The following DARS2 variants were observed in gnomAD, a reference collection of about 807,000 sequenced individuals.
DARS2 encodes aspartyl-tRNA synthetase 2, mitochondrial.
A neutral mutation model predicts 83.0 loss-of-function variants in DARS2; 63 were observed. That is an observed-to-expected ratio of 0.76 (90% CI 0.62 to 0.94). The LOEUF is 0.94. DARS2 is among the 40% of genes least tolerant of loss of function. The pLI is 0.00. For missense variants in DARS2, 675 were observed against 774.4 expected (o/e 0.87, Z 1.52); for synonymous variants, 250 against 269.3 (o/e 0.93, Z 0.70).
chr1:173,854,744 G>A (rs1241026977), intron 15 of DARS2, among the ~76,000 whole-genome samples: 1 of 152,166 alleles, frequency 6.6e-6, no homozygotes. Context: ...TGTTGATAAT[G>A]TTAGAGAAAG....
chr1:173,833,907 G>T (rs939649897), intron 6 of DARS2, among the ~76,000 whole-genome samples: 1 of 151,846 alleles, frequency 6.6e-6, no homozygotes, highest in Non-Finnish European at 1.5e-5. Context: ...CCACAGACAT[G>T]CACCACCACA....
chr1:173,847,985 T>C (rs1653502857), intron 12 of DARS2, among the ~76,000 whole-genome samples: 1 of 151,662 alleles, frequency 6.6e-6, no homozygotes, highest in East Asian at 1.9e-4. Context: ...CCTGACTAGC[T>C]GGGACTACAG....
rs1437323064 is a variant in DARS2, at chr1:173,858,445, A to G, written c.*740A>G. ...CTATAAAGCATTCCACAAATATGAGATGATGGTATTATCCATCCATAAATA... is the reference window on the plus strand; with the variant it reads ...CTATAAAGCATTCCACAAATATGAGGTGATGGTATTATCCATCCATAAATA... On this transcript the variant is annotated 3_prime_UTR_variant, in exon 17 of 17. Transcript: ENST00000649689. The G allele has an allele frequency of 2.0e-5, 3 of 152,284 alleles. No homozygotes were observed. Among genetic ancestry groups the G allele is most frequent in the African/African-American group, 7.2e-5 (3 of 41,464 alleles). 9.4% of individuals were successfully genotyped at this position (152,284 alleles called of 1,614,324 possible). A position where few individuals can be genotyped will look rare whatever the true frequency, so the allele number is the denominator to read the frequency against.
chr1:173,849,189 A>G lies in DARS2; in HGVS notation c.1192-1138A>G, dbSNP rs193042202. ...TTTTTAATGCTGCAGAGTTTCTTCA[A>G]TGTACAGTGATTGTTGGTTATCTGT... On this transcript the variant is annotated intron_variant, in intron 12 of 16. Coordinates refer to ENST00000649689, the MANE Select transcript of DARS2 (RefSeq NM_018122.5). 1.1e-3 allele frequency among the ~76,000 whole-genome samples: 172 copies of G among 149,708 alleles called. 2 individuals are homozygous for G. The highest frequency in any genetic ancestry group is 8.6e-4 in the Non-Finnish European group (58 of 67,636).
intron 6 of DARS2, among the ~76,000 whole-genome samples, chr1:173,834,025 G>A (rs1025445808): frequency 1.3e-5 from 2 of 152,050 alleles, no homozygotes; most frequent in Non-Finnish European, 2.9e-5. Flanking sequence ...CCATCCCAAA[G>A]TGCTGGGATT....
At chr1:173,856,281 G>A (rs1421269534) in intron 15 of DARS2, among the ~76,000 whole-genome samples, 6 of 151,954 alleles carry the variant, frequency 3.9e-5, no homozygotes, top group African/African-American at 1.2e-4. Context: ...CCTTCCTCCC[G>A]GCAGCATTTG....
chr1:173,826,770 T>C lies in DARS2; in HGVS notation c.211T>C (p.Trp71Arg). The C allele has an allele frequency of 2.5e-6, 4 of 1,612,590 alleles. No individual in the cohort carries two copies. Among genetic ancestry groups the C allele is most frequent in the Non-Finnish European group, 3.4e-6 (4 of 1,178,750 alleles). Residue 71 changes from tryptophan to arginine, a missense_variant, in exon 2 of 17, where the codon TGG becomes CGG. By Grantham distance (101) the Trp-to-Arg change is moderately radical. Coordinates refer to ENST00000649689, the MANE Select transcript of DARS2 (RefSeq NM_018122.5). ...AGGCCAAGAAGTCACCTTGTGTGGA[T>C]GGATTCAGTACCGAAGGTAAATTGA... ...HLGQEVTLCG[W>R]IQYRRQNTFL...
At chr1:173,842,352 G>A (rs1210009022) in intron 11 of DARS2, among the ~76,000 whole-genome samples, 2 of 128,402 alleles carry the variant, frequency 1.6e-5, no homozygotes, top group Non-Finnish European at 3.1e-5. Flanking sequence ...AGGCTGGAGT[G>A]CAGTGGCGCG....
intron 3 of DARS2, among the ~76,000 whole-genome samples, chr1:173,828,792 G>A (rs1366788439): frequency 1.3e-5 from 2 of 152,144 alleles, no homozygotes; most frequent in African/African-American, 4.8e-5. Context: ...CTAGCTGAAG[G>A]GAGAGCAATT....
chr1:173,842,134 T>C (rs973400837), intron 11 of DARS2, among the ~76,000 whole-genome samples: 1 of 152,126 alleles, frequency 6.6e-6, no homozygotes, highest in Non-Finnish European at 1.5e-5. Context: ...TTTCTGTAGG[T>C]AGTACATCTG....
intron 2 of DARS2, among the ~76,000 whole-genome samples, chr1:173,827,005 C>G (rs1041472735): frequency 6.6e-6 from 1 of 152,158 alleles, no homozygotes; most frequent in African/African-American, 2.4e-5. Context: ...TCAGTAGGTA[C>G]ATCTCAGTAA....
chr1:173,828,829 A>G (rs978385129), intron 3 of DARS2, among the ~76,000 whole-genome samples: 4 of 152,168 alleles, frequency 2.6e-5, no homozygotes, highest in Non-Finnish European at 5.9e-5. Context: ...ATAAATGCAT[A>G]TATCCTTTGA....
rs768505422 is a variant in DARS2 at position 173,845,213 on chromosome 1, A to C, written c.1129-16A>C. 1.4e-5 allele frequency: 22 copies of C among 1,539,930 alleles called. No homozygotes were observed. The East Asian group carries it at 5.0e-4, about 35-fold the overall frequency. ...GTGTCATACTGACAAGTTTACTTTG[A>C]TTTTTCTTTCATCAGAAATACTTAA... is the stretch of plus-strand genomic sequence containing the variant. On this transcript the variant is annotated splice_polypyrimidine_tract_variant and intron_variant, in intron 11 of 16. Coordinates refer to ENST00000649689, the MANE Select transcript of DARS2 (RefSeq NM_018122.5).
In DARS2 at chr1:173,839,422, G is replaced by C; in HGVS notation, c.896G>C (p.Gly299Ala). 1 of 1,614,092 alleles carries C rather than the reference G, an allele frequency of 6.2e-7. No individual in the cohort carries two copies. ...DQTGIQSLIEGLLQYSWPNDK... is the reference protein window; with the variant it reads ...DQTGIQSLIEALLQYSWPNDK... Reference sequence around the variant, plus strand: ...ACTGGGATCCAGAGTTTAATTGAGGGTTTGCTCCAGTATTCCTGGCCCAAT... The same window carrying C: ...ACTGGGATCCAGAGTTTAATTGAGGCTTTGCTCCAGTATTCCTGGCCCAAT... Residue 299 changes from glycine (G) to alanine (A), a missense_variant, in exon 10 of 17, where the codon GGT becomes GCT. Transcript: ENST00000649689.
chr1:173,838,315 T>C (rs1329065386), intron 9 of DARS2, 56 bp downstream of exon 9: 15 of 1,343,616 alleles, frequency 1.1e-5, no homozygotes, highest in Admixed American at 1.7e-5. Flanking sequence ...TTTGAAATAG[T>C]ATTTTCAAGA....
Position 173,857,683 on chromosome 1 carries a change from C to T in DARS2, c.1916C>T (p.Ser639Phe). ...ATCCGAGTCTCCAAGCCAACAGACT[C>T]CAAAGCAGAAAGAGCTCATTGAATC... ...YHIRVSKPTD[S>F]KAERAH Residue 639 changes from serine to phenylalanine, a missense_variant, in exon 17 of 17, where the codon TCC becomes TTC. Ser to Phe is a radical substitution (Grantham distance 155). Coordinates refer to ENST00000649689, the MANE Select transcript of DARS2 (RefSeq NM_018122.5). 1.2e-6 allele frequency: 2 copies of T among 1,614,118 alleles called. No homozygotes were observed. The highest frequency in any genetic ancestry group is 1.7e-6 in the Non-Finnish European group (2 of 1,180,000).
chr1:173,854,032 C>A, intron 15 of DARS2, 127 bp downstream of exon 15: 2 of 786,776 alleles, frequency 2.5e-6, no homozygotes, highest in Non-Finnish European at 4.3e-6. Context: ...CAGGTGTCTA[C>A]TGGTGCATTC....
rs149368049 is a variant in DARS2 at position 173,825,872 on chromosome 1, A to G, written c.127+516A>G. Among the ~76,000 whole-genome samples, 631 of 151,956 alleles carry G rather than the reference A, an allele frequency of 4.2e-3. 4 individuals are homozygous for G. Among genetic ancestry groups the G allele is most frequent in the African/African-American group, 0.014 (600 of 41,440 alleles). On this transcript the variant is annotated intron_variant, in intron 1 of 16. Coordinates refer to ENST00000649689, the MANE Select transcript of DARS2 (RefSeq NM_018122.5). ...TTTTCCCTGAGTTTTTAGAAAGACC[A>G]CAAAAAGGTAACCACGTAATATATA...
At chr1:173,846,254 A>G (rs1653430918) in intron 12 of DARS2, among the ~76,000 whole-genome samples, 2 of 151,914 alleles carry the variant, frequency 1.3e-5, no homozygotes, top group Admixed American at 1.3e-4. Context: ...TCGCTTGAAC[A>G]CAGGAGGTGG....
Sources: gnomAD v4.1 joint callset for allele counts (sites outside exome capture counted in the v4.1 genomes callset) on GRCh38, gnomAD v4.1.1 for gene constraint, MANE v1.5 for transcripts, NCBI Gene and HGNC (gene_info 2026-07-23, HGNC 2026-07-21) for gene names.